Variants in ADGRL2 observed in about 807,000 individuals in gnomAD.
The protein encoded by ADGRL2 is adhesion G protein-coupled receptor L2, also known as calcium-independent alpha-latrotoxin receptor 2.
In ADGRL2, 44 loss-of-function variants were observed where a neutral mutation model predicts 157.4. The observed-to-expected ratio is 0.28, with a 90% CI of 0.22 to 0.36. The LOEUF (loss-of-function observed/expected upper bound fraction) is 0.36, where lower values mean the gene tolerates loss of function less well. ADGRL2 is among the 10% of genes least tolerant of loss of function. The pLI is 1.00. For synonymous variants in ADGRL2, 585 were observed against 624.7 expected, an observed-to-expected ratio of 0.94 and a Z score of 0.95; for missense variants, 1,510 against 1,768.9, an observed-to-expected ratio of 0.85 and a Z score of 2.63.
At chr1:81,330,889 A>C (rs554322952) in intron 1 of ADGRL2, among the ~76,000 whole-genome samples, 49 of 152,322 alleles carry the variant, frequency 3.2e-4, no homozygotes, top group African/African-American at 1.1e-3. Flanking sequence ...TGTTTTAAAG[A>C]ACACAGAACA....
chr1:81,907,456 G>A (rs77016063), intron 3 of ADGRL2, among the ~76,000 whole-genome samples: 9 of 152,104 alleles, frequency 5.9e-5, no homozygotes, highest in East Asian at 5.8e-4. Context: ...TATGTAATAC[G>A]TATCTTTTTG....
In ADGRL2 at chr1:81,633,650, ACTT is replaced by A. The variant is rs2082057764; in HGVS notation, c.-143+52673_-143+52675del. Among the ~76,000 whole-genome samples the A allele has an allele frequency of 2.0e-5, 3 of 151,134 alleles. No homozygotes were observed. In the South Asian group the frequency reaches 6.3e-4, roughly 32 times the overall value. On this transcript the variant is annotated intron_variant, in intron 3 of 24. Coordinates refer to the ADGRL2 transcript ENST00000370721. ...ACCACCGATTTTCTCTACCAAATCT[ACTT>A]CTCTTGATTTCAGTAAATAGCACCA...
chr1:81,364,878 G>C (rs2076039075), intron 1 of ADGRL2, among the ~76,000 whole-genome samples: 1 of 151,866 alleles, frequency 6.6e-6, no homozygotes, highest in Non-Finnish European at 1.5e-5. Context: ...TGGCCAGGCT[G>C]GTCTTGAACT....
At chr1:81,644,052 T>C (rs2148814339) in intron 3 of ADGRL2, among the ~76,000 whole-genome samples, 1 of 152,214 alleles carries the variant, frequency 6.6e-6, no homozygotes, top group Middle Eastern at 3.4e-3. Flanking sequence ...AGAAACAGAA[T>C]AGAGCCCAGA....
intron 2 of ADGRL2, among the ~76,000 whole-genome samples, chr1:81,452,561 C>G (rs1260912033): frequency 1.3e-5 from 2 of 152,166 alleles, no homozygotes; most frequent in East Asian, 3.8e-4. Context: ...CTTGTAAGGG[C>G]TAAAAACTTT....
intron 2 of ADGRL2, among the ~76,000 whole-genome samples, chr1:81,857,442 A>G (rs2093239935): frequency 6.6e-6 from 1 of 152,206 alleles, no homozygotes; most frequent in Admixed American, 6.5e-5. Flanking sequence ...GCCAATTGAG[A>G]AAGTGGAAGA....
chr1:81,871,918 A>C lies in ADGRL2; in HGVS notation c.73+34861A>C, dbSNP rs1247892036. On this transcript the variant is annotated intron_variant, in intron 2 of 23. Coordinates refer to ENST00000686636, the MANE Select transcript of ADGRL2 (RefSeq NM_001366006.2). The stretch of plus-strand genomic sequence containing the variant: ...CTGATGGTAGTTTCTTTTGCAGTGC[A>C]GAAGCTCTTTAGTTTAATTAGATCC... 1.4e-4 allele frequency among the ~76,000 whole-genome samples: 22 copies of C among 152,178 alleles called. 1 individual carries two copies.
intron 3 of ADGRL2, among the ~76,000 whole-genome samples, chr1:81,627,586 C>T (rs979191029): frequency 2.0e-5 from 3 of 152,062 alleles, no homozygotes; most frequent in Admixed American, 6.5e-5. Flanking sequence ...CCTCTATTTT[C>T]GCTATGAAGA....
intron 1 of ADGRL2, among the ~76,000 whole-genome samples, chr1:81,333,371 G>C (rs12135861): frequency 0.38 from 58,241 of 151,846 alleles, 11,697 homozygotes; most frequent in African/African-American, 0.49. Context: ...CTGCATTTAT[G>C]CTGGGCACCT....
At chr1:81,949,109 A>G (rs1342569457) in intron 6 of ADGRL2, among the ~76,000 whole-genome samples, 3 of 152,220 alleles carry the variant, frequency 2.0e-5, no homozygotes, top group Non-Finnish European at 2.9e-5. Flanking sequence ...ATTTGAAAAC[A>G]TAGCTATTTT....
At chr1:81,925,613 T>C (rs1455850047) in intron 3 of ADGRL2, among the ~76,000 whole-genome samples, 1 of 150,902 alleles carries the variant, frequency 6.6e-6, no homozygotes, top group African/African-American at 2.4e-5. Context: ...TAATAAAAAA[T>C]GGGAAATGTT....
At chr1:81,836,714 T>A (rs1026335926) in intron 1 of ADGRL2, among the ~76,000 whole-genome samples, 171 bp from the exon 2 acceptor site, 2 of 152,104 alleles carry the variant, frequency 1.3e-5, no homozygotes, top group Non-Finnish European at 2.9e-5. Context: ...GGCTTTTGAC[T>A]GTTTTCAGAA....
chr1:81,398,645 G>A (rs950519002), intron 1 of ADGRL2, among the ~76,000 whole-genome samples: 2 of 152,054 alleles, frequency 1.3e-5, no homozygotes. Flanking sequence ...CTGAAGGGTA[G>A]CTTTACTGAG....
chr1:81,708,469 A>G (rs1326372895), intron 1 of ADGRL2, among the ~76,000 whole-genome samples: 3 of 152,104 alleles, frequency 2.0e-5, no homozygotes, highest in African/African-American at 7.2e-5. Flanking sequence ...AGGAAGTGGG[A>G]ATGCTCTTAA....
chr1:81,903,869 T>A (rs2094537516), intron 2 of ADGRL2, among the ~76,000 whole-genome samples: 1 of 147,828 alleles, frequency 6.8e-6, no homozygotes, highest in Non-Finnish European at 1.5e-5. Context: ...AAATACAGAC[T>A]TTAGATAAGA....
At chr1:81,721,660 C>CA in intron 1 of ADGRL2, 1 of 970,476 alleles carries the variant, frequency 1.0e-6, no homozygotes. Context: ...AACCGGGCTG[C>CA]AGCTCTTCAG....
chr1:81,842,396 C>T (rs1234049542), intron 2 of ADGRL2, among the ~76,000 whole-genome samples: 1 of 110,758 alleles, frequency 9.0e-6, no homozygotes, highest in Non-Finnish European at 1.7e-5. Context: ...CTCACTCTGT[C>T]TCCCAGGCCG....
intron 11 of ADGRL2, among the ~76,000 whole-genome samples, chr1:81,960,244 G>A (rs954115851): frequency 6.6e-6 from 1 of 152,156 alleles, no homozygotes; most frequent in African/African-American, 2.4e-5. Flanking sequence ...TTCATCCACA[G>A]TGCATCATTT....
intron 11 of ADGRL2, among the ~76,000 whole-genome samples, chr1:81,962,020 T>C (rs1382042391): frequency 1.3e-5 from 2 of 152,134 alleles, no homozygotes; most frequent in African/African-American, 2.4e-5. Flanking sequence ...TTTCTAGACA[T>C]ACATGCGCAC....
Sources: allele counts gnomAD v4.1 joint callset (sites outside exome capture counted in the v4.1 genomes callset), GRCh38; gene constraint gnomAD v4.1.1; transcripts MANE v1.5; gene names NCBI Gene and HGNC (gene_info 2026-07-23, HGNC 2026-07-21).